GRM8: variants seen among roughly 807,000 people sequenced by gnomAD.
GRM8 encodes metabotropic glutamate receptor 8.
GRM8 carries 47 observed loss-of-function variants against 87.2 expected under a neutral mutation model. That is an observed-to-expected ratio of 0.54 (90% CI 0.43 to 0.69). GRM8 has a LOEUF of 0.69. Among genes scored for constraint, GRM8 ranks in the 30% least tolerant of loss-of-function variants. GRM8 has a pLI of 0.00. For synonymous variants in GRM8, 396 were observed against 404.5 expected (o/e 0.98, Z 0.25); for missense variants, 1,019 against 1,139.2 (o/e 0.89, Z 1.52).
At chr7:126,778,624 T>C (rs767305257) in intron 6 of GRM8, among the ~76,000 whole-genome samples, 1 of 152,152 alleles carries the variant, frequency 6.6e-6, no homozygotes, top group Non-Finnish European at 1.5e-5. Flanking sequence ...GAGAGACAAA[T>C]TTTGATTTAA....
At position 127,216,578 on chromosome 7, in the gene GRM8, G is replaced by A. The variant is rs1796567038; in HGVS notation, c.510+26117C>T. On this transcript the variant is annotated intron_variant, in intron 2 of 10. Transcript: ENST00000339582. ...AAGCTGAGGACAAGTCTAAACTAGT[G>A]AGTCATCTGTTAAAATACAAACCCC... Among the ~76,000 whole-genome samples, 6 of 146,616 alleles carry A rather than the reference G, an allele frequency of 4.1e-5. No individual in the cohort carries two copies. The South Asian group carries it at 1.3e-3, about 33-fold the overall frequency.
chr7:126,557,655 T>C (rs1203400338), intron 8 of GRM8, among the ~76,000 whole-genome samples: 1 of 152,196 alleles, frequency 6.6e-6, no homozygotes, highest in Non-Finnish European at 1.5e-5. Flanking sequence ...TAAAAAAGTT[T>C]TAATGTTTTC....
At chr7:127,167,181 A>G (rs1793505912) in intron 2 of GRM8, among the ~76,000 whole-genome samples, 1 of 152,168 alleles carries the variant, frequency 6.6e-6, no homozygotes, top group African/African-American at 2.4e-5. Context: ...CAAACATAAC[A>G]AACACTTTAT....
At chr7:126,710,245 C>T (rs530403535) in intron 7 of GRM8, among the ~76,000 whole-genome samples, 5 of 152,236 alleles carry the variant, frequency 3.3e-5, no homozygotes, top group South Asian at 2.1e-4. Flanking sequence ...ATCAGAGTGG[C>T]GGTTGCTGAA....
At chr7:126,584,827 T>C (rs1795941777) in intron 8 of GRM8, among the ~76,000 whole-genome samples, 1 of 152,104 alleles carries the variant, frequency 6.6e-6, no homozygotes, top group Admixed American at 6.6e-5. Flanking sequence ...TTTTAATACA[T>C]GCTGCTGTGA....
At position 126,805,516 on chromosome 7, in the gene GRM8, T is replaced by C. The variant is rs139719294; in HGVS notation, c.1157-35451A>G. On this transcript the variant is annotated intron_variant, in intron 6 of 10. Coordinates refer to ENST00000339582, the MANE Select transcript of GRM8 (RefSeq NM_000845.3). ...CCCCCAGTATTACTAGAGGTTCCAC[T>C]GAGACATGGTCTGCACCACCCACTG... 3.1e-3 allele frequency among the ~76,000 whole-genome samples: 477 copies of C among 152,294 alleles called. 9 individuals carry two copies. Among genetic ancestry groups the C allele is most frequent in the Admixed American group, 0.028 (422 of 15,298 alleles).
At chr7:126,640,009 G>C (rs925790004) in intron 7 of GRM8, among the ~76,000 whole-genome samples, 1 of 152,192 alleles carries the variant, frequency 6.6e-6, no homozygotes, top group Non-Finnish European at 1.5e-5. Context: ...AAATGGGTCT[G>C]TGATTTCAAA....
At chr7:126,447,498 T>C (rs990554130) in intron 9 of GRM8, among the ~76,000 whole-genome samples, 3 of 151,958 alleles carry the variant, frequency 2.0e-5, no homozygotes, top group Admixed American at 6.6e-5. Flanking sequence ...ATTTTTTAAA[T>C]ATGTTTTAAT....
chr7:126,664,306 C>CA (rs1563072113), intron 7 of GRM8, among the ~76,000 whole-genome samples: 1 of 152,070 alleles, frequency 6.6e-6, no homozygotes, highest in Non-Finnish European at 1.5e-5. Context: ...CATATGGAAC[C>CA]AAAAAAGAGC....
intron 8 of GRM8, among the ~76,000 whole-genome samples, chr7:126,556,337 TAAAAAAAAAA>T (rs3038820): frequency 3.6e-5 from 4 of 111,332 alleles, no homozygotes; most frequent in East Asian, 5.5e-4. Flanking sequence ...TTCTCCTCTT[TAAAAAAAAAA>T]AAAAAAAAAA....
chr7:126,820,396 C>A (rs1794187243), intron 6 of GRM8, among the ~76,000 whole-genome samples: 1 of 152,196 alleles, frequency 6.6e-6, no homozygotes, highest in Admixed American at 6.5e-5. Flanking sequence ...AAACAATATA[C>A]TGACTGCTGT....
intron 3 of GRM8, among the ~76,000 whole-genome samples, chr7:127,016,337 G>T (rs2132169426): frequency 6.6e-6 from 1 of 152,032 alleles, no homozygotes; most frequent in South Asian, 2.1e-4. Flanking sequence ...ACACTAAAAG[G>T]AGCAGAACCA....
intron 1 of GRM8, among the ~76,000 whole-genome samples, chr7:127,251,632 G>C (rs1024650462): frequency 2.6e-5 from 4 of 151,492 alleles, no homozygotes; most frequent in Non-Finnish European, 5.9e-5. Context: ...CCTTTCCCGC[G>C]CCCCGGGGCA....
At chr7:127,111,280 A>G (rs762666493) in intron 2 of GRM8, 8 of 152,218 alleles carry the variant, frequency 5.3e-5, no homozygotes, top group Non-Finnish European at 1.2e-4. Context: ...AATTCCAAAA[A>G]TTTAACTTAG....
At chr7:126,562,895 C>A (rs913540310) in intron 8 of GRM8, among the ~76,000 whole-genome samples, 1 of 152,122 alleles carries the variant, frequency 6.6e-6, no homozygotes, top group Middle Eastern at 3.2e-3. Flanking sequence ...AAAACTCCAT[C>A]TCAAATAAAT....
intron 6 of GRM8, among the ~76,000 whole-genome samples, chr7:126,808,074 GCAAA>G (rs973352199): frequency 1.3e-4 from 20 of 152,190 alleles, no homozygotes; most frequent in African/African-American, 4.8e-4. Context: ...ATTCAATCAT[GCAAA>G]CAGAGAAAAC....
chr7:126,645,288 T>C (rs546273357), intron 7 of GRM8, among the ~76,000 whole-genome samples: 2 of 152,370 alleles, frequency 1.3e-5, no homozygotes, highest in South Asian at 4.1e-4. Flanking sequence ...ATTGCTCCTA[T>C]AGATAACATC....
intron 7 of GRM8, among the ~76,000 whole-genome samples, chr7:126,734,968 T>G (rs933126785): frequency 6.6e-6 from 1 of 152,054 alleles, no homozygotes; most frequent in African/African-American, 2.4e-5. Flanking sequence ...AGTAGAGAGT[T>G]GGTAGTACAA....
intron 9 of GRM8, among the ~76,000 whole-genome samples, chr7:126,485,700 G>A (rs1563059717): frequency 1.3e-5 from 2 of 151,938 alleles, no homozygotes; most frequent in South Asian, 2.1e-4. Context: ...ATTAGCAGTT[G>A]TTAACCTTTT....
Sources: allele counts gnomAD v4.1 joint callset (sites outside exome capture counted in the v4.1 genomes callset), GRCh38; gene constraint gnomAD v4.1.1; transcripts MANE v1.5; gene names NCBI Gene and HGNC (gene_info 2026-07-23, HGNC 2026-07-21).